MIB1: variants seen among roughly 807,000 people sequenced by gnomAD.
The protein encoded by MIB1 is MIB E3 ubiquitin protein ligase 1, also known as E3 ubiquitin-protein ligase MIB1.
In MIB1, 278 loss-of-function variants were observed where a neutral mutation model predicts 124.5. The observed-to-expected ratio is 2.23, with a 90% confidence interval of 2.02 to 2.47. The LOEUF (loss-of-function observed/expected upper bound fraction) is 2.47, where lower values mean the gene tolerates loss of function less well. MIB1 is among the 30% of genes most tolerant of loss of function. The pLI is 0.00. For synonymous variants in MIB1, 446 were observed against 429.4 expected (o/e 1.04, Z -0.48); for missense variants, 957 against 1,254.4 (o/e 0.76, Z 3.58).
Position 21,865,979 on chromosome 18 carries a change from C to A in MIB1, c.*1313C>A, listed in dbSNP as rs1365745159. 1 of 151,922 alleles carries A rather than the reference C, an allele frequency of 6.6e-6. No individual in the cohort carries two copies. Among genetic ancestry groups the A allele is most frequent in the Admixed American group, 6.6e-5 (1 of 15,244 alleles). The allele number at this position is 151,922 out of a possible 1,614,324, so 9.4% of individuals were successfully genotyped here. On this transcript the variant is annotated 3_prime_UTR_variant, in exon 21 of 21. Coordinates refer to ENST00000261537, the MANE Select transcript of MIB1 (RefSeq NM_020774.4). ...TATCTCCTTTGTAATCTTATTGTCT[C>A]CTGAGTAAATATACACATAAATGTT...
intron 1 of MIB1, among the ~76,000 whole-genome samples, chr18:21,723,231 A>G (rs765445175): frequency 1.3e-4 from 19 of 151,936 alleles, no homozygotes; most frequent in Non-Finnish European, 2.4e-4. Flanking sequence ...TCCCTTTGAC[A>G]TGCCCCATTA....
chr18:21,786,660 T>G (rs187456334), intron 6 of MIB1, among the ~76,000 whole-genome samples: 6 of 152,296 alleles, frequency 3.9e-5, no homozygotes, highest in Non-Finnish European at 7.3e-5. Context: ...TCTGTGTATT[T>G]TCAAATAGCT....
intron 1 of MIB1, among the ~76,000 whole-genome samples, chr18:21,720,766 G>A (rs1317379223): frequency 6.6e-6 from 1 of 152,106 alleles, no homozygotes; most frequent in Non-Finnish European, 1.5e-5. Flanking sequence ...CTGGGGAACA[G>A]AGGGGGACCC....
chr18:21,738,903 A>C (rs2040810946), upstream of MIB1, among the ~76,000 whole-genome samples: 1 of 150,048 alleles, frequency 6.7e-6, no homozygotes, highest in Non-Finnish European at 1.5e-5. Flanking sequence ...AAACAAATTC[A>C]AAAGCTAGCA....
At chr18:21,786,916 A>G (rs1247086835) in intron 6 of MIB1, among the ~76,000 whole-genome samples, 1 of 151,754 alleles carries the variant, frequency 6.6e-6, no homozygotes, top group Non-Finnish European at 1.5e-5. Context: ...GAGAGCTTAC[A>G]TATTGCTGCC....
intron 10 of MIB1, among the ~76,000 whole-genome samples, chr18:21,806,765 A>G (rs2041713022): frequency 6.6e-6 from 1 of 151,938 alleles, no homozygotes; most frequent in Non-Finnish European, 1.5e-5. Flanking sequence ...CTGGGACTAC[A>G]GGCGCACGCC....
intron 10 of MIB1, among the ~76,000 whole-genome samples, chr18:21,814,820 C>T (rs537293792): frequency 5.3e-5 from 8 of 151,022 alleles, no homozygotes; most frequent in East Asian, 2.0e-4. Context: ...GTGATCCGCC[C>T]GCCTTGGCCT....
At chr18:21,744,235 T>C (rs1286298905) in intron 1 of MIB1, among the ~76,000 whole-genome samples, 1 of 151,998 alleles carries the variant, frequency 6.6e-6, no homozygotes, top group African/African-American at 2.4e-5. Flanking sequence ...ACTGACATTT[T>C]ATTACATTCT....
intron 1 of MIB1, among the ~76,000 whole-genome samples, chr18:21,757,924 A>T (rs2041053253): frequency 1.3e-5 from 2 of 152,220 alleles, no homozygotes; most frequent in Admixed American, 1.3e-4. Flanking sequence ...AATAAGATCC[A>T]TGCTAGGTGC....
intron 20 of MIB1, among the ~76,000 whole-genome samples, chr18:21,860,096 G>GCCTT (rs2042263025): frequency 1.9e-5 from 1 of 53,302 alleles, no homozygotes; most frequent in Non-Finnish European, 3.0e-5. Flanking sequence ...TGTTCTTTAT[G>GCCTT]TCTTTTTTTT....
intron 1 of MIB1, among the ~76,000 whole-genome samples, chr18:21,718,739 AG>A (rs1174221097): frequency 6.6e-6 from 1 of 152,232 alleles, no homozygotes; most frequent in African/African-American, 2.4e-5. Flanking sequence ...GTTCAAGTTC[AG>A]GCACCTTCCT....
chr18:21,814,969 T>C (rs2146473228), intron 10 of MIB1, among the ~76,000 whole-genome samples: 1 of 133,574 alleles, frequency 7.5e-6, no homozygotes, highest in Non-Finnish European at 1.6e-5. Context: ...CTTACCATCA[T>C]GGCTGATAAA....
chr18:21,815,804 CAG>C lies in MIB1; in HGVS notation c.1669_1670del (p.Leu558ProfsTer4). 1 of 1,614,040 alleles carries C rather than the reference CAG, an allele frequency of 6.2e-7. No individual in the cohort carries two copies. Among genetic ancestry groups the C allele is most frequent in the Non-Finnish European group, 8.5e-7 (1 of 1,179,920 alleles). On this transcript the variant is annotated frameshift_variant, in exon 11 of 21. Transcript: ENST00000261537. LOFTEE classifies it high-confidence loss of function. ...KTLLDFGCHP[S>X]LQDSEGDTPL... is the part of the protein sequence containing the mutation. Reference sequence around the variant, plus strand: ...CTTTATTGGACTTTGGCTGTCATCCCAGTCTCCAGGTAAAACCTTTAAAGAAA... The same window carrying C: ...CTTTATTGGACTTTGGCTGTCATCCCTCTCCAGGTAAAACCTTTAAAGAAA...
chr18:21,827,917 AAAT>A (rs2041940668), intron 12 of MIB1: 1 of 152,004 alleles, frequency 6.6e-6, no homozygotes, highest in Admixed American at 6.6e-5. Context: ...ATTTCAGTTG[AAAT>A]AATACTTTTA....
intron 15 of MIB1, among the ~76,000 whole-genome samples, chr18:21,844,691 AGTGCTG>A (rs1428501082): frequency 1.3e-5 from 2 of 152,230 alleles, no homozygotes; most frequent in Non-Finnish European, 2.9e-5. Context: ...GGTCTCCCAC[AGTGCTG>A]GGATTACAGG....
chr18:21,716,803 G>A (rs2040691771), intron 1 of MIB1, among the ~76,000 whole-genome samples: 1 of 152,114 alleles, frequency 6.6e-6, no homozygotes, highest in South Asian at 2.1e-4. Context: ...AGTGAGCCAA[G>A]ATGGCGCCAC....
chr18:21,803,694 G>A (rs990854203), intron 9 of MIB1: 5 of 405,434 alleles, frequency 1.2e-5, no homozygotes, highest in African/African-American at 1.0e-4. Context: ...GTAACTCTTT[G>A]GACAATGAAA....
chr18:21,809,533 A>G (rs1280756467), intron 10 of MIB1, among the ~76,000 whole-genome samples: 1 of 152,122 alleles, frequency 6.6e-6, no homozygotes, highest in Non-Finnish European at 1.5e-5. Flanking sequence ...ATTCAGCAGC[A>G]TGATAAAGGG....
chr18:21,843,107 T>C (rs1233114716), intron 13 of MIB1, 24 bp from the exon 14 acceptor site: 3 of 1,571,488 alleles, frequency 1.9e-6, no homozygotes, highest in Non-Finnish European at 2.6e-6. Context: ...TTTTAACCAT[T>C]TAACATTTGT....
Sources: allele counts gnomAD v4.1 joint callset (sites outside exome capture counted in the v4.1 genomes callset), GRCh38; gene constraint gnomAD v4.1.1; transcripts MANE v1.5; gene names NCBI Gene and HGNC (gene_info 2026-07-23, HGNC 2026-07-21).